Variants in MBNL2 observed in about 807,000 individuals in gnomAD.
MBNL2 encodes muscleblind-like protein 2.
A neutral mutation model predicts 41.9 loss-of-function variants in MBNL2; 17 were observed. That is an observed-to-expected ratio of 0.41 (90% confidence interval 0.28 to 0.61). The LOEUF (loss-of-function observed/expected upper bound fraction) is 0.61, where lower values mean the gene tolerates loss of function less well. MBNL2 is among the 20% of genes least tolerant of loss of function. The pLI, the probability that MBNL2 is intolerant of heterozygous loss-of-function variation, is 0.35. For synonymous variants in MBNL2, 195 were observed against 182.9 expected (o/e 1.07, Z -0.53); for missense variants, 336 against 505.6 (o/e 0.66, Z 3.22).
chr13:97,307,346 G>C (rs1168363766), intron 2 of MBNL2, among the ~76,000 whole-genome samples: 4 of 151,592 alleles, frequency 2.6e-5, no homozygotes, highest in African/African-American at 9.7e-5. Context: ...GCCTTAAATT[G>C]GTTCCAGTTG....
At chr13:97,348,295 A>C (rs1457593115) in intron 5 of MBNL2, among the ~76,000 whole-genome samples, 1 of 151,970 alleles carries the variant, frequency 6.6e-6, no homozygotes, top group African/African-American at 2.4e-5. Context: ...TCCTGGGATC[A>C]AGCAATTCTC....
At chr13:97,339,539 CT>C (rs1019019912) in intron 3 of MBNL2, among the ~76,000 whole-genome samples, 5 of 152,170 alleles carry the variant, frequency 3.3e-5, no homozygotes, top group African/African-American at 1.2e-4. Context: ...GGCAACAGCA[CT>C]TCTGCAGAAA....
At position 97,393,280 on chromosome 13, in the gene MBNL2, T is replaced by A. The variant is rs1437016044; in HGVS notation, c.*1831T>A. On this transcript the variant is annotated 3_prime_UTR_variant, in exon 9 of 9. Coordinates refer to ENST00000679496, the MANE Select transcript of MBNL2 (RefSeq NM_001382683.1). Reference sequence around the variant, plus strand: ...AAACTTGTTTTCTTTTTTCTGTTTTTTTCTTTGTTAATTCATTTAAACTCA... The same window carrying A: ...AAACTTGTTTTCTTTTTTCTGTTTTATTCTTTGTTAATTCATTTAAACTCA... The A allele has an allele frequency of 1.3e-5, 2 of 152,486 alleles. No individual in the cohort carries two copies. The highest frequency in any genetic ancestry group is 2.9e-5 in the Non-Finnish European group (2 of 67,916). 9.4% of individuals were successfully genotyped at this position (152,486 alleles called of 1,614,324 possible). A position where few individuals can be genotyped will look rare whatever the true frequency, so the allele number is the denominator to read the frequency against.
intron 2 of MBNL2, among the ~76,000 whole-genome samples, chr13:97,325,665 G>GACTGCAGTGAGCTATGATTGTGCC (rs1297801950): frequency 6.6e-6 from 1 of 152,190 alleles, no homozygotes; most frequent in Non-Finnish European, 1.5e-5. Flanking sequence ...AGGAGGTCGA[G>GACTGCAGTGAGCTATGATTGTGCC]ACTGCAGTGA....
At chr13:97,177,460 C>G in the MBNL2 span, among the ~76,000 whole-genome samples, 14,519 of 152,092 alleles carry the variant, frequency 0.095, 757 homozygotes, top group South Asian at 0.17. Flanking sequence ...TATGGTAACA[C>G]AAATCAATAA....
At chr13:97,178,084 G>A in the MBNL2 span, among the ~76,000 whole-genome samples, 1 of 152,168 alleles carries the variant, frequency 6.6e-6, no homozygotes, top group Non-Finnish European at 1.5e-5. Flanking sequence ...TTGAGTCTTG[G>A]AAACAGTGGA....
At chr13:97,244,479 T>C (rs1466236140) in intron 1 of MBNL2, among the ~76,000 whole-genome samples, 2 of 152,360 alleles carry the variant, frequency 1.3e-5, no homozygotes, top group Middle Eastern at 3.4e-3. Context: ...AGTCAACTTA[T>C]AGTCAGTATG....
the MBNL2 span, among the ~76,000 whole-genome samples, chr13:97,180,770 TG>T: frequency 6.6e-6 from 1 of 150,876 alleles, no homozygotes; most frequent in African/African-American, 2.4e-5. Flanking sequence ...AAAAACATGT[TG>T]TACCAGTTCC....
At chr13:97,387,027 C>T (rs1028981359) in intron 8 of MBNL2, among the ~76,000 whole-genome samples, 104 of 151,632 alleles carry the variant, frequency 6.9e-4, no homozygotes, top group African/African-American at 2.2e-3. Flanking sequence ...TTTGTCTGTT[C>T]TCCTTTTAGT....
At chr13:97,220,144 C>G (rs1030067334), upstream of MBNL2, among the ~76,000 whole-genome samples, 2 of 152,148 alleles carry the variant, frequency 1.3e-5, no homozygotes, top group African/African-American at 2.4e-5. Flanking sequence ...CTGCAATGAA[C>G]AATGCATTTA....
chr13:97,340,441 A>C, intron 3 of MBNL2, among the ~76,000 whole-genome samples: 1 of 152,184 alleles, frequency 6.6e-6, no homozygotes. Context: ...TATGCTCATT[A>C]CATCCCTGTT....
At position 97,329,826 on chromosome 13, in the gene MBNL2, A is replaced by AACAC. The variant is rs60899519; in HGVS notation, c.175-4431_175-4428dup. ...ATACAACATACATGCATACACATGC[A>AACAC]ACACACACACACACACACACACTTT... On this transcript the variant is annotated intron_variant, in intron 2 of 8. Coordinates refer to ENST00000679496, the MANE Select transcript of MBNL2 (RefSeq NM_001382683.1). Among the ~76,000 whole-genome samples the AACAC allele has an allele frequency of 7.0e-3, 1,053 of 149,612 alleles. 13 individuals carry two copies. The highest frequency in any genetic ancestry group is 0.028 in the East Asian group (142 of 5,066).
In MBNL2 at chr13:97,366,505, A is replaced by T. The variant is rs953754012; in HGVS notation, c.1048+1334A>T. ...CGTCCGCCACTGTCTCTGCAGCAAC[A>T]ACTCCTGCAACAAGTGTCCCCTTCG... On this transcript the variant is annotated intron_variant, in intron 8 of 8. Coordinates refer to ENST00000679496, the MANE Select transcript of MBNL2 (RefSeq NM_001382683.1). The surrounding 1 kb of genome is among the most constrained non-coding windows in gnomAD (Gnocchi z 4.7). 6.2e-7 allele frequency: 1 copy of T among 1,613,128 alleles called. No individual in the cohort carries two copies. The highest frequency in any genetic ancestry group is 1.3e-5 in the African/African-American group (1 of 74,850).
intron 6 of MBNL2, 94 bp downstream of exon 6, chr13:97,356,943 A>G (rs771089487): frequency 1.5e-6 from 1 of 662,234 alleles, no homozygotes; most frequent in Non-Finnish European, 2.2e-6. Flanking sequence ...GCAAACAATC[A>G]TTATTATTAA....
At chr13:97,350,832 C>T (rs2062382364) in intron 5 of MBNL2, among the ~76,000 whole-genome samples, 1 of 152,208 alleles carries the variant, frequency 6.6e-6, no homozygotes, top group Non-Finnish European at 1.5e-5. Flanking sequence ...CCCTCAAAGT[C>T]ATCCATGAGG....
intron 8 of MBNL2, among the ~76,000 whole-genome samples, chr13:97,368,483 C>T (rs11839205): frequency 0.12 from 17,170 of 148,692 alleles, 1,018 homozygotes; most frequent in East Asian, 0.19. Context: ...CAGTGAAATT[C>T]TATATGATAA....
Position 97,283,131 on chromosome 13 carries a change from C to T in MBNL2, c.174+6722C>T, listed in dbSNP as rs183995109. Among the ~76,000 whole-genome samples, 16 of 152,246 alleles carry T rather than the reference C, an allele frequency of 1.1e-4. No individual in the cohort carries two copies. In the East Asian group the frequency reaches 2.5e-3, roughly 24 times the overall value. On this transcript the variant is annotated intron_variant, in intron 2 of 8. Transcript: ENST00000679496. ...TTCCTAGTTCTTTCACCACGCTCACCGCCCTTCCTACTTTCCCTCTAATGC... is the reference window on the plus strand; with the variant it reads ...TTCCTAGTTCTTTCACCACGCTCACTGCCCTTCCTACTTTCCCTCTAATGC...
chr13:97,148,451 G>A, the MBNL2 span, among the ~76,000 whole-genome samples: 2 of 151,966 alleles, frequency 1.3e-5, no homozygotes, highest in East Asian at 1.9e-4. Context: ...TTATGTAAAC[G>A]ATGGACTTTG....
chr13:97,328,104 A>C (rs926598289), intron 2 of MBNL2, among the ~76,000 whole-genome samples: 2 of 151,932 alleles, frequency 1.3e-5, no homozygotes, highest in Non-Finnish European at 2.9e-5. Flanking sequence ...CACTTGCCCA[A>C]GGTGCCCAAG....
Sources: allele counts gnomAD v4.1 joint callset (sites outside exome capture counted in the v4.1 genomes callset), GRCh38; gene constraint gnomAD v4.1.1; non-coding constraint Gnocchi (gnomAD v3.1); transcripts MANE v1.5; gene names NCBI Gene and HGNC (gene_info 2026-07-23, HGNC 2026-07-21).